Variants in SLC37A3 observed in about 807,000 individuals in gnomAD.
SLC37A3 encodes sugar phosphate exchanger 3.
In SLC37A3, 51 loss-of-function variants were observed where a neutral mutation model predicts 67.1. The observed-to-expected ratio is 0.76, with a 90% confidence interval of 0.61 to 0.96. The LOEUF (loss-of-function observed/expected upper bound fraction) is 0.96. SLC37A3 is among the 40% of genes least tolerant of loss of function. SLC37A3 has a pLI of 0.00. For missense variants in SLC37A3, 508 were observed against 603.0 expected (o/e 0.84, Z 1.65); for synonymous variants, 214 against 231.4 (o/e 0.92, Z 0.68).
At chr7:140,390,251 T>C (rs1028618651) in intron 1 of SLC37A3, among the ~76,000 whole-genome samples, 2 of 151,982 alleles carry the variant, frequency 1.3e-5, no homozygotes, top group African/African-American at 4.8e-5. Flanking sequence ...TGCCCAGTCT[T>C]CCCACACACC....
chr7:140,342,978 C>T (rs1021921831), intron 13 of SLC37A3, among the ~76,000 whole-genome samples: 5 of 152,074 alleles, frequency 3.3e-5, no homozygotes, highest in African/African-American at 7.2e-5. Context: ...CCATGTCTGG[C>T]GGGGCCCAGG....
chr7:140,364,318 C>G, intron 5 of SLC37A3, 90 bp downstream of exon 5: 1 of 1,196,058 alleles, frequency 8.4e-7, no homozygotes, highest in Non-Finnish European at 1.2e-6. Flanking sequence ...GAGGATTAAT[C>G]TTACTATTCT....
intron 2 of SLC37A3, among the ~76,000 whole-genome samples, 161 bp downstream of exon 2, chr7:140,382,277 G>T (rs1248316437): frequency 6.6e-6 from 1 of 151,996 alleles, no homozygotes; most frequent in Non-Finnish European, 1.5e-5. Context: ...GGGCAAAACA[G>T]CCCTCCAGAA....
Position 140,348,676 on chromosome 7 carries a change from TC to T in SLC37A3, c.973del (p.Glu325ArgfsTer17). 6.2e-7 allele frequency: 1 copy of T among 1,614,130 alleles called. No homozygotes were observed. ...AATGGACAGCTTGTCGGCTTCCGCC[TC>T]CTTCCAGCCGAAGTTGTTACTCAGA... ...FYLSNNFGWK[E>X]AEADKLSIWY... On this transcript the variant is annotated frameshift_variant, in exon 10 of 15. Coordinates refer to ENST00000326232, the MANE Select transcript of SLC37A3 (RefSeq NM_207113.3). LOFTEE classifies it high-confidence loss of function.
chr7:140,348,356 A>G, intron 10 of SLC37A3: 1 of 282,356 alleles, frequency 3.5e-6, no homozygotes, highest in South Asian at 8.1e-5. Context: ...AAAAGAACTG[A>G]TCCATCAACA....
chr7:140,376,922 TGCC>T (rs1563043357), intron 3 of SLC37A3, among the ~76,000 whole-genome samples: 1 of 149,774 alleles, frequency 6.7e-6, no homozygotes, highest in Non-Finnish European at 1.5e-5. Context: ...TACAGGTATG[TGCC>T]ACCACACCCA....
At chr7:140,374,720 C>T (rs1797956304) in intron 3 of SLC37A3, among the ~76,000 whole-genome samples, 2 of 151,910 alleles carry the variant, frequency 1.3e-5, no homozygotes, top group Admixed American at 1.3e-4. Flanking sequence ...GTGGTGCACA[C>T]CTGTAGTGCC....
chr7:140,377,643 T>G (rs1202735673), intron 3 of SLC37A3, among the ~76,000 whole-genome samples: 1 of 152,178 alleles, frequency 6.6e-6, no homozygotes, highest in African/African-American at 2.4e-5. Context: ...TGCATAAAAA[T>G]GAAAGCTATA....
In SLC37A3 at chr7:140,382,556, A is replaced by C. The variant is rs1798300021; in HGVS notation, c.-30T>G. ...TTCCTGACCTTCCTTCTCACCTTTG[A>C]CCTTAAGGTTTGGATGAGTGATTTA... On this transcript the variant is annotated 5_prime_UTR_variant, in exon 2 of 15. Transcript: ENST00000326232. 1 of 1,600,078 alleles carries C rather than the reference A, an allele frequency of 6.2e-7. No individual in the cohort carries two copies. The highest frequency in any genetic ancestry group is 8.6e-7 in the Non-Finnish European group (1 of 1,168,268).
At chr7:140,352,437 A>T (rs1223380806) in intron 7 of SLC37A3, among the ~76,000 whole-genome samples, 3 of 152,196 alleles carry the variant, frequency 2.0e-5, no homozygotes, top group African/African-American at 7.2e-5. Context: ...AGCTCCAAAA[A>T]TCTAGGTCTT....
In SLC37A3 at chr7:140,337,301, A is replaced by G; in HGVS notation, c.1375T>C (p.Tyr459His). The G allele has an allele frequency of 6.2e-7, 1 of 1,600,636 alleles. No homozygotes were observed. Among genetic ancestry groups the G allele is most frequent in the Non-Finnish European group, 8.5e-7 (1 of 1,174,588 alleles). The change falls in exon 14 of 15, where the codon TAC becomes CAC. Residue 459 changes from tyrosine (Y) to histidine (H), a missense_variant. Coordinates refer to ENST00000326232, the MANE Select transcript of SLC37A3 (RefSeq NM_207113.3). ...RDKLGWMWVFYFFILMTSCTI... is the reference protein window; with the variant it reads ...RDKLGWMWVFHFFILMTSCTI... ...ACACTTACCATGAGAATGAAAAAGT[A>G]GAAAACCCACATCCATCCTAGCTTG...
intron 7 of SLC37A3, among the ~76,000 whole-genome samples, chr7:140,352,906 C>A (rs1796871190): frequency 6.6e-6 from 1 of 152,008 alleles, no homozygotes; most frequent in Admixed American, 6.6e-5. Flanking sequence ...CGATGAGTGA[C>A]AAAATTAGTG....
At chr7:140,371,425 G>A (rs539304839) in intron 3 of SLC37A3, among the ~76,000 whole-genome samples, 8 of 152,150 alleles carry the variant, frequency 5.3e-5, no homozygotes, top group Admixed American at 1.3e-4. Context: ...ACCTGCCTCC[G>A]CCTCCCAAAG....
chr7:140,367,340 G>C (rs1318790425), intron 4 of SLC37A3, among the ~76,000 whole-genome samples: 1 of 151,982 alleles, frequency 6.6e-6, no homozygotes, highest in African/African-American at 2.4e-5. Context: ...AGGAAGCTGA[G>C]GCAGGAGAAT....
intron 10 of SLC37A3, 109 bp downstream of exon 10, chr7:140,348,517 T>G (rs1358499516): frequency 1.6e-6 from 2 of 1,218,272 alleles, no homozygotes; most frequent in East Asian, 2.7e-5. Context: ...TTAGGGAAAA[T>G]GGCTGTAGAA....
chr7:140,360,672 T>A (rs1173903283), intron 5 of SLC37A3, among the ~76,000 whole-genome samples: 1 of 149,896 alleles, frequency 6.7e-6, no homozygotes, highest in Admixed American at 6.7e-5. Flanking sequence ...AAGTGGAGGT[T>A]GCAGTGAGCC....
At chr7:140,371,151 C>T (rs1463888168) in intron 3 of SLC37A3, among the ~76,000 whole-genome samples, 10 of 152,096 alleles carry the variant, frequency 6.6e-5, no homozygotes, top group Admixed American at 6.6e-4. Context: ...TCTGCAGAAC[C>T]ACAAAACGAA....
At chr7:140,373,664 G>T (rs966931290) in intron 3 of SLC37A3, among the ~76,000 whole-genome samples, 1 of 144,274 alleles carries the variant, frequency 6.9e-6, no homozygotes, top group African/African-American at 2.6e-5. Context: ...ATATCTCAAA[G>T]AACTTTTTTT....
intron 7 of SLC37A3, among the ~76,000 whole-genome samples, 174 bp downstream of exon 7, chr7:140,355,494 G>A (rs533653530): frequency 6.6e-5 from 10 of 152,258 alleles, no homozygotes; most frequent in East Asian, 1.9e-4. Flanking sequence ...GGTTATAGGC[G>A]TGAGCCACCA....
Sources: gnomAD v4.1 joint callset for allele counts (sites outside exome capture counted in the v4.1 genomes callset) on GRCh38, gnomAD v4.1.1 for gene constraint, MANE v1.5 for transcripts, NCBI Gene and HGNC (gene_info 2026-07-23, HGNC 2026-07-21) for gene names.